MVB12B: variants seen among roughly 807,000 people sequenced by gnomAD.
MVB12B encodes the protein ESCRT-I complex subunit MVB12B.
MVB12B carries 16 observed loss-of-function variants against 41.6 expected under a neutral mutation model. The ratio of observed to expected loss-of-function variants is 0.38; its 90% confidence interval spans 0.26 to 0.58. The LOEUF is 0.58. Among genes scored for constraint, MVB12B ranks in the 20% least tolerant of loss-of-function variants. MVB12B has a pLI of 0.62. For synonymous variants in MVB12B, 133 were observed against 139.7 expected (o/e 0.95, Z 0.34); for missense variants, 274 against 380.2 (o/e 0.72, Z 2.32).
At chr9:126,364,358 C>T (rs1222311311) in intron 2 of MVB12B, among the ~76,000 whole-genome samples, 1 of 152,180 alleles carries the variant, frequency 6.6e-6, no homozygotes, top group Non-Finnish European at 1.5e-5. Flanking sequence ...TCTTCCTGCC[C>T]TCCTTGTCTT....
intron 6 of MVB12B, among the ~76,000 whole-genome samples, chr9:126,404,890 G>T (rs779609050): frequency 6.6e-6 from 1 of 152,232 alleles, no homozygotes; most frequent in Non-Finnish European, 1.5e-5. Context: ...TGAACAGAGC[G>T]GCGGCCGCTC....
chr9:126,460,552 G>A (rs541199667), intron 7 of MVB12B, among the ~76,000 whole-genome samples: 12 of 149,756 alleles, frequency 8.0e-5, no homozygotes, highest in Non-Finnish European at 1.6e-4. Flanking sequence ...CCTGTGTAGA[G>A]ATGTGGAGCC....
rs1397219110 is a variant in MVB12B, at chr9:126,389,636, A to C, written c.410-2430A>C. ...AACAGCAAGTGAAACACCCGGCGTT[A>C]GTTTTCTTTGTGTAAAGGTCTCTCT... On this transcript the variant is annotated intron_variant, in intron 4 of 9. Coordinates refer to ENST00000361171, the MANE Select transcript of MVB12B (RefSeq NM_033446.3). The surrounding 1 kb of genome is among the most constrained non-coding windows in gnomAD (Gnocchi z 4.4). 1.3e-5 allele frequency among the ~76,000 whole-genome samples: 2 copies of C among 152,274 alleles called. No individual in the cohort carries two copies. The highest frequency in any genetic ancestry group is 3.9e-4 in the East Asian group (2 of 5,174).
At chr9:126,450,964 T>C (rs1367869409) in intron 7 of MVB12B, among the ~76,000 whole-genome samples, 1 of 152,100 alleles carries the variant, frequency 6.6e-6, no homozygotes, top group Non-Finnish European at 1.5e-5. Flanking sequence ...AGGGGACACA[T>C]TAAGGGAGGG....
At position 126,340,725 on chromosome 9, in the gene MVB12B, T is replaced by G; in HGVS notation, c.204+95T>G. ...CCTTCTGGCCCTTGCGTGTAAGATG[T>G]GCTTCTTCCCTCTAGGAACTTAATC... On this transcript the variant is annotated intron_variant, in intron 2 of 9. Coordinates refer to ENST00000361171, the MANE Select transcript of MVB12B (RefSeq NM_033446.3). This position sits in a 1 kb window ranked among gnomAD's most constrained non-coding sequence, Gnocchi z 4.0. 2 of 1,431,818 alleles carry G rather than the reference T, an allele frequency of 1.4e-6. No individual in the cohort carries two copies. The highest frequency in any genetic ancestry group is 2.5e-5 in the South Asian group (2 of 79,558). The allele number at this position is 1,431,818 out of a possible 1,614,324, so 88.7% of individuals were successfully genotyped here.
intron 7 of MVB12B, among the ~76,000 whole-genome samples, chr9:126,443,903 GTCAC>G (rs1303070095): frequency 3.3e-5 from 5 of 152,376 alleles, no homozygotes; most frequent in African/African-American, 1.2e-4. Flanking sequence ...GTCCCTGGCA[GTCAC>G]TTGCCTGCCC....
At chr9:126,448,857 T>C (rs962622422) in intron 7 of MVB12B, among the ~76,000 whole-genome samples, 3 of 152,102 alleles carry the variant, frequency 2.0e-5, no homozygotes, top group Non-Finnish European at 2.9e-5. Flanking sequence ...GAATCACATG[T>C]CAACGTGAAA....
intron 6 of MVB12B, among the ~76,000 whole-genome samples, chr9:126,401,702 C>G (rs1355391264): frequency 6.6e-6 from 1 of 152,244 alleles, no homozygotes; most frequent in Non-Finnish European, 1.5e-5. Flanking sequence ...AGGCTTGTCC[C>G]CCATCACATC....
rs546474091 is a variant in MVB12B, at chr9:126,391,457, C to T, written c.410-609C>T. 3.3e-5 allele frequency among the ~76,000 whole-genome samples: 5 copies of T among 152,274 alleles called. No individual in the cohort carries two copies. The highest frequency in any genetic ancestry group is 2.1e-4 in the South Asian group (1 of 4,822). ...TTGGATGATACTCAGGAATTCTGTT[C>T]GTTTTGTTAGGAATGGTGATGGCAT... is the stretch of plus-strand genomic sequence containing the variant. On this transcript the variant is annotated intron_variant, in intron 4 of 9. Transcript: ENST00000361171. The surrounding 1 kb of genome is among the most constrained non-coding windows in gnomAD (Gnocchi z 4.4).
rs1408724866 is a variant in MVB12B, at chr9:126,495,207, ATG to A, written c.874-7969_874-7968del. On this transcript the variant is annotated intron_variant, in intron 9 of 9. Transcript: ENST00000361171. Reference sequence around the variant, plus strand: ...ATCCTGTCTCAAAAAAAAAAAAAAAATGAGAGAGAGAGAAAGAAGAGAAGGGA... The same window carrying A: ...ATCCTGTCTCAAAAAAAAAAAAAAAAAGAGAGAGAGAAAGAAGAGAAGGGA... 2.4e-4 allele frequency among the ~76,000 whole-genome samples: 35 copies of A among 143,772 alleles called. No individual in the cohort carries two copies. The East Asian group carries it at 3.8e-3, about 16-fold the overall frequency. The allele number at this position is 143,772 out of a possible 152,430, so 94.3% of individuals were successfully genotyped here.
chr9:126,416,367 G>A (rs948910623), intron 6 of MVB12B, among the ~76,000 whole-genome samples: 4 of 152,168 alleles, frequency 2.6e-5, no homozygotes, highest in Non-Finnish European at 4.4e-5. Context: ...GCTGGGATTT[G>A]GACCCACATC....
At chr9:126,432,973 C>G (rs1313535762) in intron 7 of MVB12B, among the ~76,000 whole-genome samples, 3 of 152,154 alleles carry the variant, frequency 2.0e-5, no homozygotes, top group African/African-American at 7.2e-5. Context: ...AGAGTGAGGC[C>G]TTTGACACTT....
rs1239423615 is a variant in MVB12B, at chr9:126,358,745, AT to A, written c.204+18119del. On this transcript the variant is annotated intron_variant, in intron 2 of 9. Transcript: ENST00000361171. The stretch of plus-strand genomic sequence containing the variant: ...ATTATGTTGTGTGTGAATAAAAACA[AT>A]TTTACTTCTTCCTTTCCAGTCTGTA... Among the ~76,000 whole-genome samples, 37 of 152,314 alleles carry A rather than the reference AT, an allele frequency of 2.4e-4. 2 individuals are homozygous for A. Among genetic ancestry groups the A allele is most frequent in the Admixed American group, 2.2e-3 (34 of 15,302 alleles).
At chr9:126,465,854 C>T (rs1833189602) in intron 7 of MVB12B, among the ~76,000 whole-genome samples, 1 of 152,168 alleles carries the variant, frequency 6.6e-6, no homozygotes, top group Admixed American at 6.5e-5. Flanking sequence ...GCCCCATTTC[C>T]AGAGGCTGTA....
Position 126,392,107 on chromosome 9 carries a change from A to G in MVB12B, c.451A>G (p.Ile151Val). Residue 151 changes from isoleucine to valine, a missense_variant, in exon 5 of 10, where the codon ATT (isoleucine) becomes GTT (valine). By Grantham distance (29) the Ile-to-Val change is conservative. Coordinates refer to ENST00000361171, the MANE Select transcript of MVB12B (RefSeq NM_033446.3). The surrounding 1 kb of genome is among the most constrained non-coding windows in gnomAD (Gnocchi z 4.8). ...FRKKRLCIKF[I>V]PRDSTEAAIC... Reference sequence around the variant, plus strand: ...GAAGAAGAGGCTGTGCATTAAATTTATTCCACGGGATTCAACGGAAGCTGC... The same window carrying G: ...GAAGAAGAGGCTGTGCATTAAATTTGTTCCACGGGATTCAACGGAAGCTGC... 6.2e-7 allele frequency: 1 copy of G among 1,614,190 alleles called. No homozygotes were observed. Among genetic ancestry groups the G allele is most frequent in the Non-Finnish European group, 8.5e-7 (1 of 1,180,016 alleles).
chr9:126,417,242 A>G (rs1831851922), intron 6 of MVB12B, among the ~76,000 whole-genome samples: 1 of 152,216 alleles, frequency 6.6e-6, no homozygotes, highest in Admixed American at 6.5e-5. Context: ...TGGAGTATTC[A>G]GTAACCTGAT....
intron 7 of MVB12B, among the ~76,000 whole-genome samples, chr9:126,469,455 C>A (rs1262591350): frequency 6.6e-6 from 1 of 152,220 alleles, no homozygotes. Flanking sequence ...GTAAAAAGAG[C>A]CCTGGCAGAG....
chr9:126,497,496 G>A (rs908286739), intron 9 of MVB12B, among the ~76,000 whole-genome samples: 8 of 152,126 alleles, frequency 5.3e-5, no homozygotes, highest in Non-Finnish European at 7.4e-5. Context: ...TCACTCCCCA[G>A]TAGTGGCAAG....
intron 2 of MVB12B, among the ~76,000 whole-genome samples, chr9:126,357,861 T>G (rs1477722367): frequency 6.6e-6 from 1 of 152,180 alleles, no homozygotes; most frequent in Non-Finnish European, 1.5e-5. Context: ...CTTTTATAGT[T>G]AGTGCTTTTT....
Sources: gnomAD v4.1 joint callset for allele counts (sites outside exome capture counted in the v4.1 genomes callset) on GRCh38, gnomAD v4.1.1 for gene constraint, Gnocchi (gnomAD v3.1) non-coding constraint, MANE v1.5 for transcripts, NCBI Gene and HGNC (gene_info 2026-07-23, HGNC 2026-07-21) for gene names.